Variants in DSC3 observed in about 807,000 individuals in gnomAD.
DSC3 encodes desmocollin 3.
DSC3 carries 97 observed loss-of-function variants against 89.5 expected under a neutral mutation model. That is an observed-to-expected ratio of 1.08 (90% CI 0.92 to 1.28). The LOEUF is 1.28. Ranked by LOEUF, DSC3 falls within the 50% of genes most tolerant of loss-of-function variation. DSC3 has a pLI of 0.00. For synonymous variants in DSC3, 436 were observed against 384.1 expected, an observed-to-expected ratio of 1.14 and a Z score of -1.58; for missense variants, 1,199 against 1,085.3, an observed-to-expected ratio of 1.10 and a Z score of -1.47.
intron 9 of DSC3, among the ~76,000 whole-genome samples, chr18:31,017,252 G>C (rs1287798496): frequency 6.6e-6 from 1 of 152,142 alleles, no homozygotes; most frequent in Non-Finnish European, 1.5e-5. Flanking sequence ...AATTTTTACA[G>C]AGGAAATAAT....
Position 31,018,650 on chromosome 18 carries a change from G to A in DSC3, c.1077+16C>T, listed in dbSNP as rs777172983. The A allele has an allele frequency of 1.1e-5, 18 of 1,610,722 alleles. No individual in the cohort carries two copies. In the South Asian group the frequency reaches 2.0e-4, roughly 18 times the overall value. On this transcript the variant is annotated intron_variant, in intron 8 of 15. Coordinates refer to ENST00000360428, the MANE Select transcript of DSC3 (RefSeq NM_001941.5). The stretch of plus-strand genomic sequence containing the variant: ...AGCAGATAAGACAGAGGCAGATTTT[G>A]ATATTATATACTTACAGCATTTTGT...
intron 14 of DSC3, 37 bp from the exon 15 acceptor site, chr18:30,997,085 A>C (rs1196320593): frequency 3.1e-6 from 5 of 1,613,138 alleles, no homozygotes; most frequent in South Asian, 1.1e-5. Context: ...TGTTGAGAGG[A>C]AATGGATTCT....
Position 31,008,499 on chromosome 18 carries a change from T to C in DSC3, c.1290A>G (p.Gln430=), listed in dbSNP as rs1159406117. 6.2e-7 allele frequency: 1 copy of C among 1,614,164 alleles called. No individual in the cohort carries two copies. The change falls in exon 10 of 16, where the codon CAA becomes CAG. Residue 430 remains glutamine, a synonymous_variant. Transcript: ENST00000360428. The part of the protein sequence containing the change: ...VKPLNYEENR[Q]VNLEIGVNNE... The stretch of plus-strand genomic sequence containing the variant: ...TGTTTACTCCAATTTCCAGGTTCAC[T>C]TGACGGTTTTCTTCATAATTCAGTG...
chr18:31,032,585 TGTGTGCGTGTGCGTGTGCGTGTGC>T (rs771649417), intron 1 of DSC3, among the ~76,000 whole-genome samples: 86 of 117,716 alleles, frequency 7.3e-4, no homozygotes, highest in African/African-American at 3.0e-3. Flanking sequence ...TGTGTGTGTG[TGTGTGCGTGTGCGTGTGCGTGTGC>T]GTGTGTGACT....
At chr18:31,041,693 TTCCGAACACTTCAAGTC>T (rs1246671866) in intron 1 of DSC3, among the ~76,000 whole-genome samples, 2 of 151,972 alleles carry the variant, frequency 1.3e-5, no homozygotes, top group Non-Finnish European at 2.9e-5. Context: ...GCCGCCAGAG[TTCCGAACACTTCAAGTC>T]TCCCGTGTTC....
intron 9 of DSC3, among the ~76,000 whole-genome samples, chr18:31,011,767 C>A (rs1193167642): frequency 6.6e-6 from 1 of 151,512 alleles, no homozygotes. Context: ...CCAAGGCGGG[C>A]GGATTGCCTG....
rs1985321176 is a variant in DSC3, at chr18:31,018,789, C to G, written c.954G>C (p.Lys318Asn). The change falls in exon 8 of 16, where the codon AAG (lysine) becomes AAC (asparagine). Residue 318 changes from lysine (K) to asparagine (N), a missense_variant. Transcript: ENST00000360428. ...CTTGTACTTTCATTATCAATGAGTACTTGTCTACAACCTGGAAACAAAGCA... is the reference window on the plus strand; with the variant it reads ...CTTGTACTTTCATTATCAATGAGTAGTTGTCTACAACCTGGAAACAAAGCA... The part of the protein sequence containing the change: ...SHYLDREVVD[K>N]YSLIMKVQDM... The G allele has an allele frequency of 6.2e-7, 1 of 1,613,516 alleles. No individual in the cohort carries two copies.
chr18:31,004,247 C>T lies in DSC3; in HGVS notation c.2008G>A (p.Glu670Lys), dbSNP rs1397170436. The T allele has an allele frequency of 6.2e-6, 10 of 1,613,894 alleles. No homozygotes were observed. The highest frequency in any genetic ancestry group is 1.3e-5 in the African/African-American group (1 of 74,920). Reference protein sequence around the residue: ...ATKLLRVNLCECTHPTQCRAT... With the variant: ...ATKLLRVNLCKCTHPTQCRAT... ...CGACACTGAGTTGGATGAGTACATT[C>T]ACACAGATTAACTCTCAATAATTTT... is the stretch of plus-strand genomic sequence containing the variant. Residue 670 changes from glutamate to lysine, a missense_variant, in exon 13 of 16, where the codon GAA becomes AAA. Coordinates refer to ENST00000360428, the MANE Select transcript of DSC3 (RefSeq NM_001941.5).
Position 31,034,349 on chromosome 18 carries a change from T to C in DSC3, c.70-2073A>G, listed in dbSNP as rs561632424. 9.9e-5 allele frequency among the ~76,000 whole-genome samples: 15 copies of C among 152,280 alleles called. No homozygotes were observed. The South Asian group carries it at 3.1e-3, about 32-fold the overall frequency. The stretch of plus-strand genomic sequence containing the variant: ...AAACCACAATGCAATACCTATTTGC[T>C]AGGATAACTAAAATAAATAAGACAG... On this transcript the variant is annotated intron_variant, in intron 1 of 15. Coordinates refer to ENST00000360428, the MANE Select transcript of DSC3 (RefSeq NM_001941.5).
At chr18:31,034,274 G>A (rs929543138) in intron 1 of DSC3, among the ~76,000 whole-genome samples, 1 of 152,130 alleles carries the variant, frequency 6.6e-6, no homozygotes, top group Non-Finnish European at 1.5e-5. Flanking sequence ...TGGCCAAAAA[G>A]TAGATGAAAA....
chr18:31,006,953 A>G lies in DSC3; in HGVS notation c.1842T>C (p.Asn614=). ...ACAGTCTACTGATTTCTGGAGAAGT[A>G]TTGGGCAAACTGAAATAAAATGGAG... The part of the protein sequence containing the change: ...HGAPFYFSLP[N]TSPEISRLWS... Residue 614 remains asparagine, a synonymous_variant, in exon 12 of 16, where the codon AAT becomes AAC. Transcript: ENST00000360428. The G allele has an allele frequency of 1.9e-6, 3 of 1,613,952 alleles. No individual in the cohort carries two copies. The highest frequency in any genetic ancestry group is 2.5e-6 in the Non-Finnish European group (3 of 1,179,924).
At chr18:31,035,601 A>G (rs1306710913) in intron 1 of DSC3, among the ~76,000 whole-genome samples, 1 of 151,864 alleles carries the variant, frequency 6.6e-6, no homozygotes, top group Non-Finnish European at 1.5e-5. Flanking sequence ...AATCCCCAAA[A>G]AAAAGCTATG....
At chr18:31,014,067 T>TA (rs1411980802) in intron 9 of DSC3, among the ~76,000 whole-genome samples, 1 of 152,162 alleles carries the variant, frequency 6.6e-6, no homozygotes, top group East Asian at 1.9e-4. Flanking sequence ...TAGATAGCTG[T>TA]AAAAAATGGC....
chr18:31,024,660 T>C (rs1471785972), intron 5 of DSC3, among the ~76,000 whole-genome samples, 167 bp from the exon 6 acceptor site: 2 of 152,172 alleles, frequency 1.3e-5, no homozygotes, highest in African/African-American at 4.8e-5. Flanking sequence ...AGAAACACTT[T>C]ACTGCAAAGA....
At chr18:31,034,602 G>C (rs1300643396) in intron 1 of DSC3, among the ~76,000 whole-genome samples, 1 of 152,054 alleles carries the variant, frequency 6.6e-6, no homozygotes, top group Non-Finnish European at 1.5e-5. Flanking sequence ...ATTCACAATA[G>C]GCAAAAAGTG....
At chr18:31,039,038 T>C (rs1433657441) in intron 1 of DSC3, among the ~76,000 whole-genome samples, 1 of 152,112 alleles carries the variant, frequency 6.6e-6, no homozygotes, top group Non-Finnish European at 1.5e-5. Context: ...ATATTAATGA[T>C]GAACTAATGA....
intron 14 of DSC3, among the ~76,000 whole-genome samples, chr18:30,998,582 G>A (rs920188707): frequency 6.6e-6 from 1 of 152,138 alleles, no homozygotes; most frequent in African/African-American, 2.4e-5. Context: ...GACCTATCCA[G>A]AGAAAATTGT....
intron 12 of DSC3, among the ~76,000 whole-genome samples, chr18:31,006,442 G>T (rs977330034): frequency 6.6e-6 from 1 of 152,064 alleles, no homozygotes; most frequent in African/African-American, 2.4e-5. Context: ...TTGGATTACA[G>T]GTGCCTGCCA....
chr18:31,000,520 A>G (rs905224122), intron 14 of DSC3, among the ~76,000 whole-genome samples: 1 of 152,178 alleles, frequency 6.6e-6, no homozygotes, highest in African/African-American at 2.4e-5. Context: ...CGAAATCCTT[A>G]GTGCAGCATT....
Sources: gnomAD v4.1 joint callset for allele counts (sites outside exome capture counted in the v4.1 genomes callset) on GRCh38, gnomAD v4.1.1 for gene constraint, MANE v1.5 for transcripts, NCBI Gene and HGNC (gene_info 2026-07-23, HGNC 2026-07-21) for gene names.